Variants in ERICH1 observed in about 807,000 individuals in gnomAD.
The protein encoded by ERICH1 is glutamate rich 1.
Under a neutral mutation model 39.6 loss-of-function variants are expected in ERICH1, and 56 were observed. The ratio of observed to expected loss-of-function variants is 1.41; its 90% confidence interval spans 1.14 to 1.77. The LOEUF is 1.77. Ranked by LOEUF, ERICH1 falls within the 40% of genes most tolerant of loss-of-function variation. ERICH1 has a pLI of 0.00. For synonymous variants in ERICH1, 313 were observed against 223.6 expected (o/e 1.40, Z -3.57); for missense variants, 826 against 575.4 (o/e 1.44, Z -4.45).
chr8:640,566 T>A (rs1303975958), intron 3 of ERICH1: 2 of 152,252 alleles, frequency 1.3e-5, no homozygotes, highest in African/African-American at 2.4e-5. Flanking sequence ...GAGAATGTAA[T>A]GTGATATGAG....
At chr8:632,234 G>A (rs1009806381) in intron 3 of ERICH1, among the ~76,000 whole-genome samples, 2 of 152,042 alleles carry the variant, frequency 1.3e-5, no homozygotes, top group Non-Finnish European at 2.9e-5. Context: ...ATTGTGTGTC[G>A]TGTTTATCTT....
chr8:700,191 G>A (rs1174470154), intron 2 of ERICH1, among the ~76,000 whole-genome samples: 2 of 81,760 alleles, frequency 2.4e-5, no homozygotes, highest in Admixed American at 3.0e-4. Context: ...GCCCGCACAC[G>A]CGCACAGGCC....
chr8:720,642 G>A (rs1024237762), intron 1 of ERICH1, among the ~76,000 whole-genome samples: 1 of 152,176 alleles, frequency 6.6e-6, no homozygotes, highest in Non-Finnish European at 1.5e-5. Flanking sequence ...ACAGCCACGG[G>A]AAAGACAATG....
At chr8:654,570 TTAAA>T (rs1306480123) in intron 3 of ERICH1, among the ~76,000 whole-genome samples, 1 of 152,200 alleles carries the variant, frequency 6.6e-6, no homozygotes, top group Non-Finnish European at 1.5e-5. Flanking sequence ...GACTACAGTT[TTAAA>T]TAAATTAAAA....
chr8:706,784 A>G (rs546529162), intron 2 of ERICH1, among the ~76,000 whole-genome samples: 1 of 152,320 alleles, frequency 6.6e-6, no homozygotes, highest in South Asian at 2.1e-4. Context: ...AACAACAACA[A>G]CAACAAAAAG....
At chr8:640,901 C>T (rs2117216820) in intron 3 of ERICH1, 1 of 152,308 alleles carries the variant, frequency 6.6e-6, no homozygotes, top group East Asian at 1.9e-4. Context: ...AACTTTGTTT[C>T]AATTAAGACT....
chr8:707,857 T>C (rs1435271460), intron 2 of ERICH1, among the ~76,000 whole-genome samples: 1 of 152,196 alleles, frequency 6.6e-6, no homozygotes, highest in Non-Finnish European at 1.5e-5. Flanking sequence ...AGTGAAAAGA[T>C]AACTCATGGT....
At chr8:641,585 C>G (rs1171541944) in intron 3 of ERICH1, among the ~76,000 whole-genome samples, 1 of 152,228 alleles carries the variant, frequency 6.6e-6, no homozygotes, top group African/African-American at 2.4e-5. Context: ...ACAGATTATT[C>G]AAATTATAGC....
chr8:660,128 C>T (rs915815974), downstream of ERICH1, among the ~76,000 whole-genome samples: 10 of 152,154 alleles, frequency 6.6e-5, no homozygotes, highest in Non-Finnish European at 1.3e-4. Context: ...CTCCCCCTGG[C>T]CCCTGCCCGG....
intron 3 of ERICH1, among the ~76,000 whole-genome samples, chr8:632,289 C>G (rs1284073037): frequency 1.3e-5 from 2 of 151,774 alleles, no homozygotes; most frequent in Non-Finnish European, 2.9e-5. Flanking sequence ...ACTATTGTTG[C>G]TTTCATCCAG....
intron 3 of ERICH1, among the ~76,000 whole-genome samples, chr8:639,236 C>A (rs1798714612): frequency 6.6e-6 from 1 of 152,162 alleles, no homozygotes. Flanking sequence ...TCCCACTCAT[C>A]CCATCACTGA....
intron 2 of ERICH1, among the ~76,000 whole-genome samples, chr8:710,968 C>G (rs1218034592): frequency 6.6e-6 from 1 of 152,218 alleles, no homozygotes; most frequent in Admixed American, 6.5e-5. Flanking sequence ...AGTGGCTGCC[C>G]TGTTTTGCAT....
chr8:617,526 T>G (rs867845236), intron 3 of ERICH1, among the ~76,000 whole-genome samples: 1 of 152,078 alleles, frequency 6.6e-6, no homozygotes. Context: ...GCTTGGTCCA[T>G]CCTCACTGCC....
chr8:685,438 G>A (rs113221118), intron 3 of ERICH1, among the ~76,000 whole-genome samples: 43,571 of 152,102 alleles, frequency 0.29, 7,911 homozygotes, highest in Non-Finnish European at 0.41. Flanking sequence ...AACCATCACA[G>A]GGTCCTGAGG....
rs1273427940 is a variant in ERICH1 at position 692,532 on chromosome 8, C to T, written c.250G>A (p.Glu84Lys). The change falls in exon 3 of 6, where the codon GAG becomes AAG. Residue 84 changes from glutamate (E) to lysine (K), a missense_variant. Transcript: ENST00000262109. ...PPEGYVPCWP[E>K]PSSCGSPENA... ...TCGGGGCTCCCACAGCTGCTGGGCT[C>T]CGGCCAACAGGGGACGTAGCCCTCA... 2.5e-6 allele frequency: 4 copies of T among 1,614,104 alleles called. No homozygotes were observed. The highest frequency in any genetic ancestry group is 3.4e-6 in the Non-Finnish European group (4 of 1,180,006).
At chr8:627,651 C>T (rs1797669245) in intron 3 of ERICH1, among the ~76,000 whole-genome samples, 1 of 152,196 alleles carries the variant, frequency 6.6e-6, no homozygotes. Context: ...TCCGGGGTGC[C>T]TCCCTGCACC....
chr8:695,940 T>A, intron 2 of ERICH1, among the ~76,000 whole-genome samples: 1 of 60,266 alleles, frequency 1.7e-5, no homozygotes, highest in Non-Finnish European at 3.0e-5. Flanking sequence ...CTCTCCTTCC[T>A]CCCCATCAGC....
rs573961217 is a variant in ERICH1 at position 653,587 on chromosome 8, C to G, written c.976+15011G>C. 2.0e-5 allele frequency among the ~76,000 whole-genome samples: 3 copies of G among 152,342 alleles called. No homozygotes were observed. The South Asian group carries it at 6.2e-4, about 32-fold the overall frequency. On this transcript the variant is annotated intron_variant, in intron 3 of 3. Coordinates refer to the ERICH1 transcript ENST00000522706. ...GAGTCTCTCTGAATCTGCTGTGATT[C>G]TGGCGCTGCCCGATTCATGAATCAT...
intron 1 of ERICH1, among the ~76,000 whole-genome samples, chr8:716,320 G>A (rs781623976): frequency 3.3e-5 from 5 of 152,206 alleles, no homozygotes; most frequent in African/African-American, 4.8e-5. Flanking sequence ...CAGGTCCCTC[G>A]GTTCCTCCCT....
Sources: allele counts gnomAD v4.1 joint callset (sites outside exome capture counted in the v4.1 genomes callset), GRCh38; gene constraint gnomAD v4.1.1; transcripts MANE v1.5; gene names NCBI Gene and HGNC (gene_info 2026-07-23, HGNC 2026-07-21).